The following C10orf90 variants were observed in gnomAD, a reference collection of about 807,000 sequenced individuals.
C10orf90 encodes the protein (E2-independent) E3 ubiquitin-conjugating enzyme FATS.
Under a neutral mutation model 62.5 loss-of-function variants are expected in C10orf90, and 56 were observed. The ratio of observed to expected loss-of-function variants is 0.90; its 90% confidence interval spans 0.72 to 1.12. The LOEUF is 1.12. Ranked by LOEUF, C10orf90 falls within the 50% of genes most tolerant of loss-of-function variation. The probability of loss-of-function intolerance (pLI) is 0.00; values close to 1 mark genes in which losing one functional copy is unlikely to be tolerated. For synonymous variants in C10orf90, 386 were observed against 340.4 expected, an observed-to-expected ratio of 1.13 and a Z score of -1.47; for missense variants, 970 against 880.4, an observed-to-expected ratio of 1.10 and a Z score of -1.29.
At chr10:126,617,051 T>G (rs2133810350) in intron 2 of C10orf90, among the ~76,000 whole-genome samples, 1 of 152,294 alleles carries the variant, frequency 6.6e-6, no homozygotes, top group South Asian at 2.1e-4. Context: ...TGAAACTGAC[T>G]TAATTCCTAC....
chr10:126,434,144 A>G (rs1857761304), intron 7 of C10orf90, among the ~76,000 whole-genome samples: 1 of 152,222 alleles, frequency 6.6e-6, no homozygotes, highest in South Asian at 2.1e-4. Flanking sequence ...ACCAGGTACC[A>G]AGATTTCAGT....
chr10:126,553,525 T>C (rs1564868983), intron 2 of C10orf90, among the ~76,000 whole-genome samples: 1 of 152,194 alleles, frequency 6.6e-6, no homozygotes, highest in Admixed American at 6.5e-5. Context: ...TATTACCTAG[T>C]GATGTCATAG....
rs185409651 is a variant in C10orf90, at chr10:126,655,115, T to C, written c.241-8478A>G. 6.4e-3 allele frequency among the ~76,000 whole-genome samples: 966 copies of C among 152,118 alleles called. 11 individuals carry two copies. The highest frequency in any genetic ancestry group is 0.022 in the African/African-American group (917 of 41,494). The stretch of plus-strand genomic sequence containing the variant: ...GCAGGTGGATCATGAGGTCAGGAGA[T>C]CGAGACCATCCTGGTCAACATGGTG... On this transcript the variant is annotated intron_variant, in intron 1 of 9. Transcript: ENST00000488181.
At position 126,513,878 on chromosome 10, in the gene C10orf90, A is replaced by T. The variant is rs566718066; in HGVS notation, c.375T>A (p.Asp125Glu). ...TGAAGTCAGATTTTGCCTCTGTGAC[A>T]TCAGACTGGAGATTTTTAAGGGCAA... ...DQIALKNLQS[D>E]VTEAKSDFTK... Residue 125 changes from aspartate to glutamate, a missense_variant, in exon 3 of 10, where the codon GAT becomes GAA. Transcript: ENST00000488181. 6.2e-7 allele frequency: 1 copy of T among 1,613,222 alleles called. No individual in the cohort carries two copies. The highest frequency in any genetic ancestry group is 1.3e-5 in the African/African-American group (1 of 75,030).
At chr10:126,461,708 C>G in intron 5 of C10orf90, 123 bp from the exon 6 acceptor site, 1 of 973,688 alleles carries the variant, frequency 1.0e-6, no homozygotes, top group Non-Finnish European at 1.5e-6. Flanking sequence ...ATTAATGGGC[C>G]TCGTTAAGCT....
chr10:126,580,999 T>G (rs1030268808), intron 2 of C10orf90, among the ~76,000 whole-genome samples: 2 of 152,146 alleles, frequency 1.3e-5, no homozygotes, highest in Non-Finnish European at 2.9e-5. Flanking sequence ...GGCATAGATT[T>G]ACCTTTCCCA....
At chr10:126,446,395 A>T (rs1858783648) in intron 7 of C10orf90, among the ~76,000 whole-genome samples, 1 of 152,098 alleles carries the variant, frequency 6.6e-6, no homozygotes, top group South Asian at 2.1e-4. Flanking sequence ...AGAAATTAAG[A>T]TCCTCATATT....
chr10:126,499,789 G>C (rs1050766690), intron 4 of C10orf90, among the ~76,000 whole-genome samples: 1 of 152,060 alleles, frequency 6.6e-6, no homozygotes, highest in Non-Finnish European at 1.5e-5. Context: ...ACCATAGAAC[G>C]CGAACGCAAA....
intron 2 of C10orf90, among the ~76,000 whole-genome samples, chr10:126,644,802 G>C (rs1186771136): frequency 6.6e-6 from 1 of 152,174 alleles, no homozygotes. Flanking sequence ...AGTGCTCTGA[G>C]GAAAACATGG....
chr10:126,446,132 C>G (rs1380229119), intron 7 of C10orf90, among the ~76,000 whole-genome samples: 1 of 151,672 alleles, frequency 6.6e-6, no homozygotes, highest in Non-Finnish European at 1.5e-5. Flanking sequence ...GCAAACACCA[C>G]TTGTACTCCA....
At chr10:126,600,973 T>C (rs542139415) in intron 2 of C10orf90, among the ~76,000 whole-genome samples, 24 of 152,252 alleles carry the variant, frequency 1.6e-4, no homozygotes, top group Non-Finnish European at 3.1e-4. Context: ...ATCAAGAAAA[T>C]ATGGCATCTG....
chr10:126,481,457 C>A (rs1342878458), intron 4 of C10orf90, among the ~76,000 whole-genome samples: 1 of 152,260 alleles, frequency 6.6e-6, no homozygotes, highest in Non-Finnish European at 1.5e-5. Flanking sequence ...AAGTGACTCA[C>A]ATCATTTAAC....
intron 6 of C10orf90, among the ~76,000 whole-genome samples, chr10:126,459,530 T>C (rs1435935398): frequency 2.0e-5 from 3 of 152,126 alleles, no homozygotes; most frequent in Non-Finnish European, 4.4e-5. Context: ...CCCTGCTGAG[T>C]CATTTGTTCC....
chr10:126,606,508 G>T (rs77050993), intron 2 of C10orf90, among the ~76,000 whole-genome samples: 2,951 of 152,196 alleles, frequency 0.019, 90 homozygotes, highest in African/African-American at 0.068. Context: ...TATCCGGTGT[G>T]GGCTCTCCAA....
intron 2 of C10orf90, among the ~76,000 whole-genome samples, chr10:126,587,465 A>G (rs1024614368): frequency 6.6e-6 from 1 of 152,114 alleles, no homozygotes; most frequent in Admixed American, 6.5e-5. Context: ...GGATCCTCAT[A>G]TGGCAGAGGC....
intron 2 of C10orf90, among the ~76,000 whole-genome samples, chr10:126,516,432 C>G (rs758043737): frequency 3.3e-5 from 5 of 152,194 alleles, no homozygotes; most frequent in Non-Finnish European, 5.9e-5. Context: ...GCACCTGAAT[C>G]CCAGATCTTG....
intron 2 of C10orf90, among the ~76,000 whole-genome samples, chr10:126,608,410 C>A (rs1031600380): frequency 2.0e-5 from 3 of 152,288 alleles, no homozygotes; most frequent in African/African-American, 4.8e-5. Context: ...CCATGCCTAG[C>A]CTGAATGTAT....
chr10:126,474,381 C>T (rs545628281), intron 4 of C10orf90, among the ~76,000 whole-genome samples: 1 of 152,296 alleles, frequency 6.6e-6, no homozygotes, highest in Admixed American at 6.5e-5. Flanking sequence ...TGTGCAATCC[C>T]ATCAGGTTCC....
Position 126,580,535 on chromosome 10 carries a change from C to A in C10orf90, c.313+66030G>T, listed in dbSNP as rs377051142. Among the ~76,000 whole-genome samples, 304 of 152,032 alleles carry A rather than the reference C, an allele frequency of 2.0e-3. 2 individuals are homozygous for A. The highest frequency in any genetic ancestry group is 6.3e-3 in the African/African-American group (260 of 41,476). ...AGGCGCAGTGGTGGGCGCCTGTAGT[C>A]CCAGCTACTCGGGAGGCTGAGGCAG... On this transcript the variant is annotated intron_variant, in intron 2 of 9. Transcript: ENST00000488181.
Sources: gnomAD v4.1 joint callset for allele counts (sites outside exome capture counted in the v4.1 genomes callset) on GRCh38, gnomAD v4.1.1 for gene constraint, MANE v1.5 for transcripts, NCBI Gene and HGNC (gene_info 2026-07-23, HGNC 2026-07-21) for gene names.